GABRG3: variants seen among roughly 807,000 people sequenced by gnomAD.
GABRG3 encodes the protein gamma-aminobutyric acid type A receptor subunit gamma3.
GABRG3 carries 25 observed loss-of-function variants against 48.8 expected under a neutral mutation model. That is an observed-to-expected ratio of 0.51 (90% confidence interval 0.37 to 0.72). The LOEUF is 0.72. Ranked by LOEUF, GABRG3 falls within the 30% of genes least tolerant of loss-of-function variation. GABRG3 has a pLI of 0.00. For synonymous variants in GABRG3, 227 were observed against 217.6 expected (o/e 1.04, Z -0.38); for missense variants, 394 against 577.9 (o/e 0.68, Z 3.26).
rs1285062602 is a variant in GABRG3 at position 27,026,737 on chromosome 15, T to G, written c.203-17T>G. 1.3e-6 allele frequency: 2 copies of G among 1,599,768 alleles called. No individual in the cohort carries two copies. On this transcript the variant is annotated splice_polypyrimidine_tract_variant and intron_variant, in intron 2 of 9. Transcript: ENST00000615808. ...CTCCGGCACGAAGTATTAACATACA[T>G]GTATTTTTCTCCACAGTAAAACCGA... is the stretch of plus-strand genomic sequence containing the variant.
intron 3 of GABRG3, among the ~76,000 whole-genome samples, chr15:27,293,963 G>A (rs1036546294): frequency 6.6e-5 from 10 of 152,150 alleles, no homozygotes; most frequent in African/African-American, 2.2e-4. Context: ...GTATGTCTGT[G>A]CATGTGACAA....
chr15:27,057,927 A>T (rs939063402), intron 3 of GABRG3, among the ~76,000 whole-genome samples: 7 of 152,208 alleles, frequency 4.6e-5, no homozygotes, highest in Non-Finnish European at 1.0e-4. Context: ...GGATGTGTGC[A>T]TTGGCCTCTG....
At chr15:27,125,642 A>ATAT (rs1897807140) in intron 3 of GABRG3, among the ~76,000 whole-genome samples, 1 of 152,254 alleles carries the variant, frequency 6.6e-6, no homozygotes, top group African/African-American at 2.4e-5. Context: ...AAAAAATAAG[A>ATAT]TATTAGCATT....
In GABRG3 at chr15:27,328,830, G is replaced by C. The variant is rs566270713; in HGVS notation, c.516G>C (p.Gln172His). The stretch of plus-strand genomic sequence containing the variant: ...GGCTCACCATCAATGCTGAGTGCCA[G>C]CTGCAGCTGCACAACTTCCCCATGG... ...TLRLTINAECQLQLHNFPMDE... is the reference protein window; with the variant it reads ...TLRLTINAECHLQLHNFPMDE... The change falls in exon 5 of 10, where the codon CAG (glutamine) becomes CAC (histidine). Residue 172 changes from glutamine (Q) to histidine (H), a missense_variant. Physicochemically the swap from Gln to His is conservative, Grantham distance 24. Transcript: ENST00000615808. 1.5e-4 allele frequency: 249 copies of C among 1,614,046 alleles called. 4 individuals are homozygous for C. In the South Asian group the frequency reaches 2.1e-3, roughly 14 times the overall value.
chr15:27,306,316 A>C lies in GABRG3; in HGVS notation c.271-20493A>C, dbSNP rs1186338708. Among the ~76,000 whole-genome samples the C allele has an allele frequency of 1.5e-5, 2 of 134,290 alleles. 1 individual carries two copies. Among genetic ancestry groups the C allele is most frequent in the East Asian group, 4.4e-4 (2 of 4,554 alleles). The allele number at this position is 134,290 out of a possible 152,430, so 88.1% of individuals were successfully genotyped here. Reference sequence around the variant, plus strand: ...ATATATAAACATATATATAATATAAACATGTCTATATATAAACATAAAATA... The same window carrying C: ...ATATATAAACATATATATAATATAACCATGTCTATATATAAACATAAAATA... On this transcript the variant is annotated intron_variant, in intron 3 of 9. Transcript: ENST00000615808.
chr15:27,081,658 G>A (rs893784663), intron 3 of GABRG3, among the ~76,000 whole-genome samples: 1 of 152,102 alleles, frequency 6.6e-6, no homozygotes, highest in African/African-American at 2.4e-5. Flanking sequence ...GAAGGGAGCT[G>A]GAGTAAACAC....
At chr15:27,430,502 T>G (rs570203055) in intron 5 of GABRG3, among the ~76,000 whole-genome samples, 29 of 152,342 alleles carry the variant, frequency 1.9e-4, no homozygotes, top group African/African-American at 7.0e-4. Context: ...TTATTTCTAA[T>G]TTTTCTTCTA....
In GABRG3 at chr15:27,209,537, G is replaced by C. The variant is rs571099502; in HGVS notation, c.271-117272G>C. 2.6e-5 allele frequency among the ~76,000 whole-genome samples: 4 copies of C among 152,254 alleles called. No homozygotes were observed. In the South Asian group the frequency reaches 8.3e-4, roughly 32 times the overall value. On this transcript the variant is annotated intron_variant, in intron 3 of 9. Transcript: ENST00000615808. Reference sequence around the variant, plus strand: ...AGATGTCTCTGAGGCCAGAAACCTGGGTCAGGGCTGCCCTCAAGACAAGGA... The same window carrying C: ...AGATGTCTCTGAGGCCAGAAACCTGCGTCAGGGCTGCCCTCAAGACAAGGA...
chr15:27,118,893 A>G (rs953807096), intron 3 of GABRG3, among the ~76,000 whole-genome samples: 1 of 152,160 alleles, frequency 6.6e-6, no homozygotes, highest in Non-Finnish European at 1.5e-5. Flanking sequence ...ACCTAGTTTC[A>G]ACCTAGTTGA....
chr15:27,501,038 G>T (rs12908633), intron 6 of GABRG3, among the ~76,000 whole-genome samples: 103,051 of 148,440 alleles, frequency 0.69, 36,573 homozygotes, highest in African/African-American at 0.86. Flanking sequence ...TGCAAGCTCC[G>T]CCTCCCGGGT....
At position 27,527,607 on chromosome 15, in the gene GABRG3, C is replaced by A. The variant is rs774426380; in HGVS notation, c.1040C>A (p.Thr347Asn). 4 of 1,611,580 alleles carry A rather than the reference C, an allele frequency of 2.5e-6. No individual in the cohort carries two copies. The highest frequency in any genetic ancestry group is 3.4e-6 in the Non-Finnish European group (4 of 1,178,680). Reference sequence around the variant, plus strand: ...TACTATTCCAGCTGTAGAAAACCAACCACCACGAAGAAGACAACATCGGTG... The same window carrying A: ...TACTATTCCAGCTGTAGAAAACCAAACACCACGAAGAAGACAACATCGGTG... Reference protein sequence around the residue: ...LNYYSSCRKPTTTKKTTSLLH... With the variant: ...LNYYSSCRKPNTTKKTTSLLH... The change falls in exon 8 of 10, where the codon ACC (threonine) becomes AAC (asparagine). Residue 347 changes from threonine (T) to asparagine (N), a missense_variant. Thr to Asn is a moderately conservative substitution (Grantham distance 65, BLOSUM62 0). Around this residue, in one of 3 missense-constraint regions of GABRG3, gnomAD observed 126 missense variants for 155.5 expected, o/e 0.81. Coordinates refer to ENST00000615808, the MANE Select transcript of GABRG3 (RefSeq NM_033223.5).
At chr15:27,412,540 G>A (rs1376209949) in intron 5 of GABRG3, among the ~76,000 whole-genome samples, 1 of 152,162 alleles carries the variant, frequency 6.6e-6, no homozygotes, top group Admixed American at 6.6e-5. Context: ...TGTTTATATT[G>A]TGTCATCCAT....
rs144290764 is a variant in GABRG3, at chr15:27,220,933, A to G, written c.271-105876A>G. ...TCAAGTATTCAGTTCGATCTTCAGA[A>G]TGGACAATAATGCAAAGCATTATTC... On this transcript the variant is annotated intron_variant, in intron 3 of 9. Coordinates refer to ENST00000615808, the MANE Select transcript of GABRG3 (RefSeq NM_033223.5). Among the ~76,000 whole-genome samples, 282 of 152,266 alleles carry G rather than the reference A, an allele frequency of 1.9e-3. 1 individual carries two copies. The highest frequency in any genetic ancestry group is 6.7e-3 in the African/African-American group (278 of 41,548).
chr15:27,086,443 C>T (rs1897078762), intron 3 of GABRG3, among the ~76,000 whole-genome samples: 2 of 152,134 alleles, frequency 1.3e-5, no homozygotes, highest in South Asian at 2.1e-4. Context: ...TGAAAATGAG[C>T]GCTGTAGTTA....
intron 3 of GABRG3, among the ~76,000 whole-genome samples, chr15:27,264,628 A>C (rs987646685): frequency 7.1e-6 from 1 of 141,636 alleles, no homozygotes; most frequent in East Asian, 2.0e-4. Flanking sequence ...AAAAAAAAAA[A>C]ACCTTATGAA....
chr15:27,523,967 T>A (rs1891217288), intron 7 of GABRG3, among the ~76,000 whole-genome samples: 1 of 151,032 alleles, frequency 6.6e-6, no homozygotes, highest in African/African-American at 2.5e-5. Context: ...CTAAAAAAAA[T>A]ATTCAAAGAA....
intron 5 of GABRG3, among the ~76,000 whole-genome samples, chr15:27,366,950 A>G (rs1335690089): frequency 6.6e-6 from 1 of 151,880 alleles, no homozygotes; most frequent in Admixed American, 6.6e-5. Context: ...CCTGCTTCCT[A>G]CTATGGGGGC....
rs151212468 is a variant in GABRG3, at chr15:27,126,373, C to A, written c.270+99552C>A. Among the ~76,000 whole-genome samples, 401 of 152,278 alleles carry A rather than the reference C, an allele frequency of 2.6e-3. 4 individuals are homozygous for A. Among genetic ancestry groups the A allele is most frequent in the African/African-American group, 9.4e-3 (392 of 41,556 alleles). On this transcript the variant is annotated intron_variant, in intron 3 of 9. Coordinates refer to ENST00000615808, the MANE Select transcript of GABRG3 (RefSeq NM_033223.5). ...TTAGGTCTTGTCTGACTTGGTGAAT[C>A]CACCGTAACATTTGACTTGCATTCG...
chr15:27,084,243 C>T (rs1897039371), intron 3 of GABRG3, among the ~76,000 whole-genome samples: 1 of 152,230 alleles, frequency 6.6e-6, no homozygotes, highest in Non-Finnish European at 1.5e-5. Context: ...TCCCACGTGC[C>T]TCTGAAATCC....
Sources: gnomAD v4.1 joint callset for allele counts (sites outside exome capture counted in the v4.1 genomes callset) on GRCh38, gnomAD v4.1.1 for gene constraint, gnomAD v4.1.1 regional missense constraint, MANE v1.5 for transcripts, NCBI Gene and HGNC (gene_info 2026-07-23, HGNC 2026-07-21) for gene names.